Variants in CNTNAP5 observed in about 807,000 individuals in gnomAD.
CNTNAP5 encodes the protein contactin associated protein family member 5, also known as contactin-associated protein-like 5.
A neutral mutation model predicts 150.2 loss-of-function variants in CNTNAP5; 72 were observed. That is an observed-to-expected ratio of 0.48 (90% CI 0.40 to 0.58). The LOEUF is 0.58. Ranked by LOEUF, CNTNAP5 falls within the 20% of genes least tolerant of loss-of-function variation. CNTNAP5 has a pLI of 0.00. For synonymous variants in CNTNAP5, 672 were observed against 619.8 expected, an observed-to-expected ratio of 1.08 and a Z score of -1.25; for missense variants, 1,636 against 1,626.2, an observed-to-expected ratio of 1.01 and a Z score of -0.10.
At chr2:124,400,596 C>T (rs772241147) in intron 3 of CNTNAP5, among the ~76,000 whole-genome samples, 1 of 151,108 alleles carries the variant, frequency 6.6e-6, no homozygotes, top group East Asian at 2.0e-4. Context: ...TACTCCCATG[C>T]TCTAGTTCCC....
intron 12 of CNTNAP5, among the ~76,000 whole-genome samples, chr2:124,635,366 C>G (rs1677950447): frequency 6.6e-6 from 1 of 152,104 alleles, no homozygotes; most frequent in African/African-American, 2.4e-5. Flanking sequence ...TTCCAGTCAC[C>G]TCCCACCAGG....
intron 1 of CNTNAP5, among the ~76,000 whole-genome samples, chr2:124,169,181 G>A (rs572581387): frequency 2.0e-5 from 3 of 152,030 alleles, no homozygotes; most frequent in South Asian, 4.1e-4. Flanking sequence ...AGAATAGCAT[G>A]GGGCAAAACT....
chr2:124,836,012 A>C (rs1478914289), intron 19 of CNTNAP5, among the ~76,000 whole-genome samples: 1 of 152,142 alleles, frequency 6.6e-6, no homozygotes, highest in Non-Finnish European at 1.5e-5. Flanking sequence ...AGAGAAAAGG[A>C]GATGGGCATG....
chr2:124,584,561 C>T (rs768192550), intron 11 of CNTNAP5, among the ~76,000 whole-genome samples: 1 of 152,148 alleles, frequency 6.6e-6, no homozygotes, highest in Admixed American at 6.5e-5. Context: ...ACAGATTTTT[C>T]ATCGTAAAAT....
rs183259510 is a variant in CNTNAP5 at position 124,132,835 on chromosome 2, G to C, written c.83-88870G>C. 1.8e-3 allele frequency among the ~76,000 whole-genome samples: 268 copies of C among 152,170 alleles called. 6 individuals are homozygous for C. Among genetic ancestry groups the C allele is most frequent in the Admixed American group, 0.017 (252 of 15,272 alleles). On this transcript the variant is annotated intron_variant, in intron 1 of 23. Coordinates refer to ENST00000682447, the MANE Select transcript of CNTNAP5 (RefSeq NM_001367498.1). ...TGAGTACCTTGGCATGTTCAATACT[G>C]TTCAATCTATGTGTCCATTTCTCAG...
chr2:124,532,613 T>TA (rs940177311), intron 10 of CNTNAP5, among the ~76,000 whole-genome samples: 31 of 152,266 alleles, frequency 2.0e-4, no homozygotes, highest in African/African-American at 6.7e-4. Flanking sequence ...GCAGAGGCCA[T>TA]ACCTGGGAAA....
intron 13 of CNTNAP5, among the ~76,000 whole-genome samples, chr2:124,673,658 C>T (rs888741144): frequency 6.6e-6 from 1 of 151,580 alleles, no homozygotes; most frequent in African/African-American, 2.4e-5. Context: ...AGGCCTCTAA[C>T]TATGGGCATT....
At chr2:124,872,194 T>A (rs1677762733) in intron 21 of CNTNAP5, among the ~76,000 whole-genome samples, 1 of 152,108 alleles carries the variant, frequency 6.6e-6, no homozygotes, top group African/African-American at 2.4e-5. Context: ...TGGCTATTAA[T>A]AAAGATAATT....
intron 3 of CNTNAP5, among the ~76,000 whole-genome samples, chr2:124,312,633 C>T (rs1008639466): frequency 1.3e-5 from 2 of 152,174 alleles, no homozygotes; most frequent in Non-Finnish European, 2.9e-5. Flanking sequence ...TGCAGTGGCA[C>T]TACCTCGGCT....
At chr2:124,552,057 A>G (rs144685222) in intron 10 of CNTNAP5, among the ~76,000 whole-genome samples, 28 of 152,174 alleles carry the variant, frequency 1.8e-4, no homozygotes, top group African/African-American at 6.5e-4. Flanking sequence ...ACAAAGGACC[A>G]TTTTCTTTTA....
intron 12 of CNTNAP5, among the ~76,000 whole-genome samples, chr2:124,619,884 T>C (rs1410981855): frequency 1.0e-4 from 10 of 99,336 alleles, no homozygotes; most frequent in East Asian, 5.9e-4. Context: ...TATATATATA[T>C]ACTCCTTCTC....
chr2:124,187,543 C>A (rs757424417), intron 1 of CNTNAP5, among the ~76,000 whole-genome samples: 1 of 152,194 alleles, frequency 6.6e-6, no homozygotes, highest in African/African-American at 2.4e-5. Flanking sequence ...GAATTTTGAA[C>A]GAGTAAAATA....
chr2:124,914,162 C>T lies in CNTNAP5; in HGVS notation c.3798C>T (p.His1266=). ...TCATGACCCGGTTCCTCTACCAGCA[C>T]AAGCAGTCACATCGTACGAGCCAGA... ...IGIMTRFLYQ[H]KQSHRTSQMK... The change falls in exon 24 of 24, where the codon CAC becomes CAT. Residue 1266 remains histidine, a synonymous_variant. Transcript: ENST00000682447. The T allele has an allele frequency of 2.5e-6, 4 of 1,612,504 alleles. No homozygotes were observed. The highest frequency in any genetic ancestry group is 3.4e-6 in the Non-Finnish European group (4 of 1,178,940).
At chr2:124,130,634 G>C (rs970118328) in intron 1 of CNTNAP5, among the ~76,000 whole-genome samples, 1 of 152,088 alleles carries the variant, frequency 6.6e-6, no homozygotes. Flanking sequence ...CTCCATGGAA[G>C]TTTCACTGGT....
intron 12 of CNTNAP5, among the ~76,000 whole-genome samples, chr2:124,645,320 T>A (rs1242538115): frequency 6.6e-6 from 1 of 152,198 alleles, no homozygotes; most frequent in Non-Finnish European, 1.5e-5. Flanking sequence ...GTGGCTCATG[T>A]CTATAATCCC....
chr2:124,254,897 G>C (rs530194386), intron 3 of CNTNAP5, among the ~76,000 whole-genome samples: 15 of 152,168 alleles, frequency 9.9e-5, no homozygotes, highest in African/African-American at 3.6e-4. Flanking sequence ...TTGTCCTACC[G>C]CAGACACAGA....
intron 1 of CNTNAP5, among the ~76,000 whole-genome samples, chr2:124,155,254 A>G (rs915574792): frequency 3.3e-5 from 5 of 152,076 alleles, no homozygotes; most frequent in Non-Finnish European, 7.4e-5. Context: ...AAAGCCTGCA[A>G]TAATGCCCTA....
chr2:124,610,366 C>G (rs1475826868), intron 12 of CNTNAP5, among the ~76,000 whole-genome samples: 1 of 152,160 alleles, frequency 6.6e-6, no homozygotes, highest in Non-Finnish European at 1.5e-5. Context: ...TGAGCTTTAT[C>G]AGTGAAATGA....
chr2:124,419,896 T>TCTTC, intron 4 of CNTNAP5, among the ~76,000 whole-genome samples: 1 of 85,234 alleles, frequency 1.2e-5, no homozygotes, highest in South Asian at 5.5e-4. Context: ...ACTGGATTGG[T>TCTTC]TTTCTTTCTT....
Sources: allele counts gnomAD v4.1 joint callset (sites outside exome capture counted in the v4.1 genomes callset), GRCh38; gene constraint gnomAD v4.1.1; transcripts MANE v1.5; gene names NCBI Gene and HGNC (gene_info 2026-07-23, HGNC 2026-07-21).